The following SH3GL2 variants were observed in gnomAD, a reference collection of about 807,000 sequenced individuals.
SH3GL2 encodes the protein SH3 domain containing GRB2 like 2, endophilin A1, also known as endophilin-A1.
SH3GL2 carries 24 observed loss-of-function variants against 46.0 expected under a neutral mutation model. The ratio of observed to expected loss-of-function variants is 0.52; its 90% CI spans 0.38 to 0.73. SH3GL2 has a LOEUF of 0.73. Among genes scored for constraint, SH3GL2 ranks in the 30% least tolerant of loss-of-function variants. The probability of loss-of-function intolerance (pLI) is 0.00; values close to 1 mark genes in which losing one functional copy is unlikely to be tolerated. For missense variants in SH3GL2, 413 were observed against 424.2 expected (o/e 0.97, Z 0.23); for synonymous variants, 196 against 147.1 (o/e 1.33, Z -2.40).
chr9:17,743,201 C>T (rs796253501), intron 1 of SH3GL2, among the ~76,000 whole-genome samples: 7 of 152,286 alleles, frequency 4.6e-5, no homozygotes, highest in African/African-American at 1.7e-4. Flanking sequence ...GTTTGCCATA[C>T]TCCTAAGGAA....
At chr9:17,741,508 T>C (rs1350278228) in intron 1 of SH3GL2, among the ~76,000 whole-genome samples, 1 of 152,302 alleles carries the variant, frequency 6.6e-6, no homozygotes, top group South Asian at 2.1e-4. Flanking sequence ...ACACAGTTTG[T>C]TGAATTTTCT....
intron 5 of SH3GL2, among the ~76,000 whole-genome samples, chr9:17,788,487 TCC>T (rs2131188702): frequency 6.6e-6 from 1 of 152,218 alleles, no homozygotes; most frequent in African/African-American, 2.4e-5. Flanking sequence ...TTCATTCTGC[TCC>T]ATACATACTA....
intron 1 of SH3GL2, among the ~76,000 whole-genome samples, chr9:17,629,658 C>G (rs1315544555): frequency 6.6e-6 from 1 of 152,140 alleles, no homozygotes; most frequent in Non-Finnish European, 1.5e-5. Flanking sequence ...AGCACTATAT[C>G]CTTGCCATTT....
intron 1 of SH3GL2, among the ~76,000 whole-genome samples, chr9:17,671,650 G>A (rs1820478348): frequency 6.6e-6 from 1 of 151,726 alleles, no homozygotes; most frequent in African/African-American, 2.4e-5. Context: ...AATTATAAAA[G>A]CAAAAAACAA....
At chr9:17,687,201 A>C (rs530001635) in intron 1 of SH3GL2, among the ~76,000 whole-genome samples, 2 of 152,128 alleles carry the variant, frequency 1.3e-5, no homozygotes, top group Non-Finnish European at 2.9e-5. Flanking sequence ...ATCATCTAGA[A>C]CCATTTAAAT....
chr9:17,624,781 G>T lies in SH3GL2; in HGVS notation c.45+45494G>T, dbSNP rs968803450. Among the ~76,000 whole-genome samples, 5 of 152,174 alleles carry T rather than the reference G, an allele frequency of 3.3e-5. No homozygotes were observed. In the East Asian group the frequency reaches 9.6e-4, roughly 29 times the overall value. ...GCCATCTGTTCCTTTGAGGATCCCA[G>T]ATTCCTTTTAGTGGAGAAAGGGTAT... On this transcript the variant is annotated intron_variant, in intron 1 of 8. Transcript: ENST00000380607.
chr9:17,595,015 A>G (rs867970766), intron 1 of SH3GL2, among the ~76,000 whole-genome samples: 9 of 152,354 alleles, frequency 5.9e-5, no homozygotes, highest in African/African-American at 2.2e-4. Flanking sequence ...AACTTCCTTC[A>G]TTGTACAAAT....
chr9:17,734,803 G>A (rs1822281214), intron 1 of SH3GL2, among the ~76,000 whole-genome samples: 1 of 152,064 alleles, frequency 6.6e-6, no homozygotes, highest in African/African-American at 2.4e-5. Context: ...GAATGGAGTT[G>A]GGGGAAGGAG....
Position 17,698,970 on chromosome 9 carries a change from C to T in SH3GL2, c.46-48096C>T, listed in dbSNP as rs147596405. ...AGGAGACTGAGACCATCCTGGCCAA[C>T]ATGGTGAAACCCCGTCTCTACTAAA... On this transcript the variant is annotated intron_variant, in intron 1 of 8. Transcript: ENST00000380607. Among the ~76,000 whole-genome samples the T allele has an allele frequency of 8.3e-3, 1,263 of 152,052 alleles. 22 individuals are homozygous for T. Among genetic ancestry groups the T allele is most frequent in the African/African-American group, 0.029 (1,193 of 41,506 alleles).
rs541915788 is a variant in SH3GL2 at position 17,599,131 on chromosome 9, C to G, written c.45+19844C>G. On this transcript the variant is annotated intron_variant, in intron 1 of 8. Coordinates refer to ENST00000380607, the MANE Select transcript of SH3GL2 (RefSeq NM_003026.5). ...AGAAATAAAATTTAATCCTTTTTGT[C>G]ACATCTTAAAATAAATTTTAACTAG... 2.0e-5 allele frequency among the ~76,000 whole-genome samples: 3 copies of G among 152,148 alleles called. No homozygotes were observed. The South Asian group carries it at 6.2e-4, about 32-fold the overall frequency.
At chr9:17,767,014 C>T (rs1025260175) in intron 3 of SH3GL2, among the ~76,000 whole-genome samples, 5 of 152,140 alleles carry the variant, frequency 3.3e-5, no homozygotes, top group African/African-American at 1.2e-4. Flanking sequence ...GGACCTTTTC[C>T]AGACTTAGCA....
At chr9:17,734,878 A>G (rs989707407) in intron 1 of SH3GL2, among the ~76,000 whole-genome samples, 3 of 152,116 alleles carry the variant, frequency 2.0e-5, no homozygotes, top group African/African-American at 7.2e-5. Flanking sequence ...ATATTTGAGT[A>G]TGGTGATGAT....
At chr9:17,668,811 C>T (rs1204655848) in intron 1 of SH3GL2, among the ~76,000 whole-genome samples, 1 of 152,078 alleles carries the variant, frequency 6.6e-6, no homozygotes, top group African/African-American at 2.4e-5. Flanking sequence ...TGCATGCCAC[C>T]ATGCCCAAGT....
intron 1 of SH3GL2, among the ~76,000 whole-genome samples, chr9:17,613,798 G>A (rs1024659655): frequency 2.0e-5 from 3 of 152,148 alleles, no homozygotes; most frequent in African/African-American, 4.8e-5. Flanking sequence ...TATGGCACAC[G>A]GACATTTGGA....
At chr9:17,751,778 C>A (rs1204804979) in intron 2 of SH3GL2, among the ~76,000 whole-genome samples, 1 of 152,088 alleles carries the variant, frequency 6.6e-6, no homozygotes, top group East Asian at 1.9e-4. Flanking sequence ...CAACACGTAT[C>A]CCTGAGTGCA....
chr9:17,737,093 A>G (rs1822359059), intron 1 of SH3GL2, among the ~76,000 whole-genome samples: 2 of 152,126 alleles, frequency 1.3e-5, no homozygotes, highest in African/African-American at 4.8e-5. Context: ...TCAGCAAACT[A>G]ACACAGGAAC....
intron 1 of SH3GL2, among the ~76,000 whole-genome samples, chr9:17,623,886 A>G (rs1384464504): frequency 6.6e-6 from 1 of 152,186 alleles, no homozygotes; most frequent in Non-Finnish European, 1.5e-5. Flanking sequence ...GAGTAAATTT[A>G]ACATTGATAC....
At chr9:17,608,288 C>G (rs1237120936) in intron 1 of SH3GL2, among the ~76,000 whole-genome samples, 1 of 151,750 alleles carries the variant, frequency 6.6e-6, no homozygotes, top group Non-Finnish European at 1.5e-5. Flanking sequence ...TCTGGGACTA[C>G]AGGCGCCCAC....
intron 2 of SH3GL2, among the ~76,000 whole-genome samples, chr9:17,758,376 C>T (rs145356651): frequency 0.011 from 1,624 of 151,806 alleles, 18 homozygotes; most frequent in Middle Eastern, 0.028. Flanking sequence ...GCCTGACCAA[C>T]ATGGCAAAAC....
Sources: gnomAD v4.1 joint callset for allele counts (sites outside exome capture counted in the v4.1 genomes callset) on GRCh38, gnomAD v4.1.1 for gene constraint, MANE v1.5 for transcripts, NCBI Gene and HGNC (gene_info 2026-07-23, HGNC 2026-07-21) for gene names.